AAK1: variants seen among roughly 807,000 people sequenced by gnomAD.
The protein encoded by AAK1 is AP2-associated protein kinase 1.
Under a neutral mutation model 116.0 loss-of-function variants are expected in AAK1, and 37 were observed. The ratio of observed to expected loss-of-function variants is 0.32; its 90% CI spans 0.25 to 0.42. The LOEUF (loss-of-function observed/expected upper bound fraction) is 0.42, where lower values mean the gene tolerates loss of function less well. Among genes scored for constraint, AAK1 ranks in the 10% least tolerant of loss-of-function variants. The pLI, the probability that AAK1 is intolerant of heterozygous loss-of-function variation, is 1.00. For missense variants in AAK1, 919 were observed against 1,170.6 expected, an observed-to-expected ratio of 0.79 and a Z score of 3.14; for synonymous variants, 458 against 439.9, an observed-to-expected ratio of 1.04 and a Z score of -0.51.
chr2:69,517,794 A>AG (rs1281097878), intron 12 of AAK1, among the ~76,000 whole-genome samples: 1 of 151,850 alleles, frequency 6.6e-6, no homozygotes, highest in Non-Finnish European at 1.5e-5. Flanking sequence ...AAAAAAAAAA[A>AG]AGAGGAGAGG....
rs926606544 is a variant in AAK1, at chr2:69,472,490, T to C, written c.*3379A>G. 1.5e-5 allele frequency: 8 copies of C among 549,300 alleles called. No individual in the cohort carries two copies. The highest frequency in any genetic ancestry group is 1.9e-5 in the Non-Finnish European group (8 of 431,714). 34.0% of individuals were successfully genotyped at this position (549,300 alleles called of 1,614,324 possible). On this transcript the variant is annotated 3_prime_UTR_variant, in exon 22 of 22. Transcript: ENST00000409085. ...TATTAACTTCTTAAGTAAAACTAGA[T>C]GACATTGAGGGGAACAACACTTAAT... is the stretch of plus-strand genomic sequence containing the variant.
intron 2 of AAK1, among the ~76,000 whole-genome samples, chr2:69,577,398 C>T (rs572397308): frequency 6.6e-6 from 1 of 152,162 alleles, no homozygotes; most frequent in African/African-American, 2.4e-5. Flanking sequence ...TCTGACCCCA[C>T]GTACTTAAGA....
chr2:69,532,401 TG>T (rs1306024363), intron 5 of AAK1, among the ~76,000 whole-genome samples: 1 of 152,146 alleles, frequency 6.6e-6, no homozygotes, highest in Non-Finnish European at 1.5e-5. Flanking sequence ...CGGTGGGGGA[TG>T]CAAGAGTGCC....
chr2:69,480,526 G>A (rs1365709247), intron 19 of AAK1, among the ~76,000 whole-genome samples: 1 of 152,072 alleles, frequency 6.6e-6, no homozygotes, highest in African/African-American at 2.4e-5. Flanking sequence ...GAGGGTTAAG[G>A]GTATCCTTAC....
intron 5 of AAK1, among the ~76,000 whole-genome samples, chr2:69,537,254 A>G (rs991338509): frequency 6.6e-6 from 1 of 152,254 alleles, no homozygotes; most frequent in African/African-American, 2.4e-5. Context: ...AAGTGTTAAA[A>G]TAATGTATTA....
At position 69,460,293 on chromosome 2, in the gene AAK1, CCTT is replaced by C. The variant is rs1674308205; in HGVS notation, c.*15573_*15575del. ...TGCTAGAGAATGAATTGAGTAGCAT[CCTT>C]CTCTAATTTCCTACAATAAAATTTC... On this transcript the variant is annotated 3_prime_UTR_variant, in exon 22 of 22. Coordinates refer to ENST00000409085, the MANE Select transcript of AAK1 (RefSeq NM_014911.5). 6.6e-6 allele frequency: 1 copy of C among 152,540 alleles called. No homozygotes were observed. The highest frequency in any genetic ancestry group is 2.4e-5 in the African/African-American group (1 of 41,398). 9.4% of individuals were successfully genotyped at this position (152,540 alleles called of 1,614,324 possible).
At chr2:69,500,039 T>C (rs1048250063) in intron 16 of AAK1, 1 of 152,234 alleles carries the variant, frequency 6.6e-6, no homozygotes, top group Non-Finnish European at 1.5e-5. Flanking sequence ...CAGTCTGTCA[T>C]TTTTGCAGCT....
At chr2:69,609,489 C>G (rs1673963792) in intron 2 of AAK1, among the ~76,000 whole-genome samples, 1 of 151,666 alleles carries the variant, frequency 6.6e-6, no homozygotes, top group Admixed American at 6.6e-5. Context: ...TGAGACCAGC[C>G]TGGCCAACAT....
At chr2:69,513,376 G>C (rs2104978904) in intron 13 of AAK1, among the ~76,000 whole-genome samples, 1 of 151,890 alleles carries the variant, frequency 6.6e-6, no homozygotes, top group African/African-American at 2.4e-5. Flanking sequence ...CTGGAGTGCA[G>C]TGGCATGATC....
chr2:69,581,913 T>C (rs545805552), intron 2 of AAK1, among the ~76,000 whole-genome samples: 11 of 152,140 alleles, frequency 7.2e-5, no homozygotes, highest in African/African-American at 2.4e-4. Flanking sequence ...GCCCAGGTGG[T>C]TGAAGCTGCA....
intron 13 of AAK1, among the ~76,000 whole-genome samples, chr2:69,513,420 C>A (rs1676465161): frequency 6.6e-6 from 1 of 151,954 alleles, no homozygotes; most frequent in African/African-American, 2.4e-5. Context: ...CCCGGGTTCA[C>A]GCCATTCTCC....
intron 6 of AAK1, 139 bp from the exon 7 acceptor site, chr2:69,530,845 A>T: frequency 1.6e-6 from 1 of 637,878 alleles, no homozygotes; most frequent in Non-Finnish European, 2.7e-6. Flanking sequence ...AAATATTAGT[A>T]GAGATAAAAT....
In AAK1 at chr2:69,470,307, A is replaced by G. The variant is rs1346910055; in HGVS notation, c.*5562T>C. On this transcript the variant is annotated 3_prime_UTR_variant, in exon 22 of 22. Transcript: ENST00000409085. ...AACAGAAAGCAAAATATCCCTTCAC[A>G]AGAACTTGGAAATGCAGCAGCAATT... 2 of 985,344 alleles carry G rather than the reference A, an allele frequency of 2.0e-6. No individual in the cohort carries two copies. The highest frequency in any genetic ancestry group is 2.4e-6 in the Non-Finnish European group (2 of 829,946). 61.0% of individuals were successfully genotyped at this position (985,344 alleles called of 1,614,324 possible).
intron 2 of AAK1, chr2:69,598,883 C>T: frequency 3.4e-6 from 1 of 296,486 alleles, no homozygotes; most frequent in East Asian, 1.1e-4. Context: ...GATTGCAGCC[C>T]ATGGCTTTTT....
intron 2 of AAK1, among the ~76,000 whole-genome samples, chr2:69,641,566 AT>A (rs1382810736): frequency 1.3e-5 from 2 of 152,174 alleles, no homozygotes; most frequent in Non-Finnish European, 2.9e-5. Context: ...TTTAAAAATC[AT>A]GTTTTTAAAG....
Position 69,643,214 on chromosome 2 carries a change from G to A in AAK1, c.-174C>T, listed in dbSNP as rs1573040507. ...TGAGGGAGGATGCCTATAGGAATAT[G>A]CGTGTCAATCGCGCAGCGGGTCCCC... On this transcript the variant is annotated 5_prime_UTR_variant, in exon 2 of 22. Transcript: ENST00000409085. The A allele has an allele frequency of 7.1e-7, 1 of 1,415,138 alleles. No homozygotes were observed. The highest frequency in any genetic ancestry group is 1.6e-5 in the South Asian group (1 of 61,520). 87.7% of individuals were successfully genotyped at this position (1,415,138 alleles called of 1,614,324 possible). A position where few individuals can be genotyped will look rare whatever the true frequency, so the allele number is the denominator to read the frequency against.
At chr2:69,524,808 G>C (rs567062524) in intron 10 of AAK1, among the ~76,000 whole-genome samples, 1 of 152,302 alleles carries the variant, frequency 6.6e-6, no homozygotes, top group South Asian at 2.1e-4. Flanking sequence ...AAAGAAAACA[G>C]CTTCAGAGTT....
chr2:69,601,367 G>A (rs1006062826), intron 2 of AAK1, among the ~76,000 whole-genome samples: 2 of 152,252 alleles, frequency 1.3e-5, no homozygotes, highest in African/African-American at 4.8e-5. Flanking sequence ...AGATAAGTCT[G>A]TAGCCAGAAG....
intron 9 of AAK1, among the ~76,000 whole-genome samples, chr2:69,526,362 AAAAGTTCATT>A (rs1165715842): frequency 6.6e-6 from 1 of 152,252 alleles, no homozygotes; most frequent in African/African-American, 2.4e-5. Context: ...CAGTGAAATC[AAAAGTTCATT>A]ATTGGAGGAA....
Sources: gnomAD v4.1 joint callset for allele counts (sites outside exome capture counted in the v4.1 genomes callset) on GRCh38, gnomAD v4.1.1 for gene constraint, MANE v1.5 for transcripts, NCBI Gene and HGNC (gene_info 2026-07-23, HGNC 2026-07-21) for gene names.